The following KHDRBS2 variants were observed in gnomAD, a reference collection of about 807,000 sequenced individuals.
KHDRBS2 encodes the protein KH RNA binding domain containing, signal transduction associated 2, also known as KH domain-containing, RNA-binding, signal transduction-associated protein 2.
Under a neutral mutation model 44.3 loss-of-function variants are expected in KHDRBS2, and 26 were observed. The observed-to-expected ratio is 0.59, with a 90% CI of 0.43 to 0.81. The LOEUF is 0.81. KHDRBS2 is among the 40% of genes least tolerant of loss of function. KHDRBS2 has a pLI of 0.00. For synonymous variants in KHDRBS2, 194 were observed against 151.1 expected (o/e 1.28, Z -2.08); for missense variants, 476 against 433.1 (o/e 1.10, Z -0.88).
At chr6:61,700,399 A>T (rs12665725) in intron 7 of KHDRBS2, among the ~76,000 whole-genome samples, 26,913 of 149,004 alleles carry the variant, frequency 0.18, 2,571 homozygotes, top group Non-Finnish European at 0.2. Context: ...TAACTTTCAG[A>T]ACTCTAAACA....
At chr6:61,803,979 C>T (rs1786714479) in intron 6 of KHDRBS2, among the ~76,000 whole-genome samples, 1 of 151,968 alleles carries the variant, frequency 6.6e-6, no homozygotes, top group African/African-American at 2.4e-5. Context: ...CATTTGTGCC[C>T]CTTGCCCCTC....
the KHDRBS2 span, among the ~76,000 whole-genome samples, chr6:61,615,090 G>A: frequency 1.9e-4 from 28 of 151,344 alleles, no homozygotes; most frequent in East Asian, 3.3e-3. Context: ...AAAATTAGCC[G>A]GGTGTGGTGG....
At chr6:61,962,192 C>G (rs1383721397) in intron 4 of KHDRBS2, among the ~76,000 whole-genome samples, 2 of 152,014 alleles carry the variant, frequency 1.3e-5, no homozygotes, top group Non-Finnish European at 2.9e-5. Flanking sequence ...AATGGCAGTT[C>G]TATTGTGTTG....
chr6:62,278,821 G>T (rs1225920074), intron 1 of KHDRBS2, among the ~76,000 whole-genome samples: 1 of 152,098 alleles, frequency 6.6e-6, no homozygotes, highest in East Asian at 1.9e-4. Flanking sequence ...ACGGCCAGGC[G>T]TGGTGGCTCA....
At chr6:62,177,580 T>C (rs1821410113) in intron 1 of KHDRBS2, among the ~76,000 whole-genome samples, 1 of 151,426 alleles carries the variant, frequency 6.6e-6, no homozygotes, top group Admixed American at 6.6e-5. Context: ...ATGAATTTAA[T>C]TAATTTTTAA....
rs546729795 is a variant in KHDRBS2 at position 61,696,288 on chromosome 6, G to A, written c.952+907C>T. Among the ~76,000 whole-genome samples, 153 of 122,322 alleles carry A rather than the reference G, an allele frequency of 1.3e-3. 1 individual carries two copies. The highest frequency in any genetic ancestry group is 4.6e-4 in the Non-Finnish European group (25 of 54,434). 80.2% of individuals were successfully genotyped at this position (122,322 alleles called of 152,430 possible). ...TTATTTATTTTTGAGACTGAGTCTC[G>A]CTCTGTTGCCAGGCTGGAGTGCGGT... On this transcript the variant is annotated intron_variant, in intron 8 of 8. Coordinates refer to ENST00000281156, the MANE Select transcript of KHDRBS2 (RefSeq NM_152688.4).
chr6:62,070,370 G>A (rs542548124), intron 2 of KHDRBS2, among the ~76,000 whole-genome samples: 38 of 151,188 alleles, frequency 2.5e-4, no homozygotes, highest in Non-Finnish European at 5.3e-4. Flanking sequence ...TTAAGTTTTA[G>A]GATACATGTG....
At chr6:61,578,382 G>A in the KHDRBS2 span, among the ~76,000 whole-genome samples, 45 of 152,232 alleles carry the variant, frequency 3.0e-4, no homozygotes, top group African/African-American at 1.1e-3. Flanking sequence ...ACAATTATGT[G>A]TCATGATTGC....
intron 6 of KHDRBS2, among the ~76,000 whole-genome samples, chr6:61,825,973 G>T (rs942482555): frequency 5.3e-5 from 8 of 152,078 alleles, no homozygotes; most frequent in Non-Finnish European, 1.2e-4. Context: ...TGCTAGATTC[G>T]GATGCCAACA....
intron 7 of KHDRBS2, among the ~76,000 whole-genome samples, chr6:61,719,450 C>CTT (rs1473626299): frequency 6.7e-6 from 1 of 150,064 alleles, no homozygotes; most frequent in East Asian, 2.0e-4. Context: ...ATGTTAATGT[C>CTT]TTTGAGGAGT....
At chr6:61,740,763 A>C (rs1776021159) in intron 6 of KHDRBS2, among the ~76,000 whole-genome samples, 1 of 151,978 alleles carries the variant, frequency 6.6e-6, no homozygotes, top group Non-Finnish European at 1.5e-5. Flanking sequence ...TCCAAAAAGC[A>C]TTAAGTGTTT....
At chr6:62,000,773 G>A (rs550160725) in intron 3 of KHDRBS2, among the ~76,000 whole-genome samples, 15 of 152,112 alleles carry the variant, frequency 9.9e-5, no homozygotes, top group Non-Finnish European at 1.6e-4. Flanking sequence ...GAGTAGCTGT[G>A]CTGCATGACC....
intron 2 of KHDRBS2, among the ~76,000 whole-genome samples, chr6:62,072,456 A>T (rs1795364078): frequency 6.6e-6 from 1 of 152,190 alleles, no homozygotes; most frequent in Admixed American, 6.6e-5. Flanking sequence ...TTGCCCATTC[A>T]TTATGATATT....
intron 5 of KHDRBS2, among the ~76,000 whole-genome samples, chr6:61,896,853 T>G (rs72882420): frequency 6.6e-6 from 1 of 152,228 alleles, no homozygotes; most frequent in African/African-American, 2.4e-5. Context: ...ACAGTCTCCA[T>G]GCCACAGCAC....
chr6:62,090,417 G>T (rs1205656542), intron 2 of KHDRBS2, among the ~76,000 whole-genome samples: 2 of 152,110 alleles, frequency 1.3e-5, no homozygotes, highest in Non-Finnish European at 2.9e-5. Context: ...GCTTGGCATT[G>T]TAAGTGCATT....
Position 62,121,077 on chromosome 6 carries a change from G to A in KHDRBS2, c.219+56108C>T, listed in dbSNP as rs1211964747. ...GGTAATTAACGGAGTTTTAGCTCAG[G>A]TCCTACTTAGTGGGTCCAGTCGGTC... is the stretch of plus-strand genomic sequence containing the variant. On this transcript the variant is annotated intron_variant, in intron 2 of 8. Transcript: ENST00000281156. 5.3e-5 allele frequency among the ~76,000 whole-genome samples: 8 copies of A among 152,096 alleles called. No individual in the cohort carries two copies. In the East Asian group the frequency reaches 1.5e-3, roughly 29 times the overall value.
intron 3 of KHDRBS2, among the ~76,000 whole-genome samples, chr6:62,004,697 G>A (rs1778901663): frequency 1.3e-5 from 2 of 152,004 alleles, no homozygotes; most frequent in Admixed American, 6.6e-5. Context: ...GCCTGGCAGA[G>A]GCACAACAAC....
At chr6:62,048,712 C>T (rs919797884) in intron 2 of KHDRBS2, among the ~76,000 whole-genome samples, 2 of 151,784 alleles carry the variant, frequency 1.3e-5, no homozygotes, top group African/African-American at 2.4e-5. Context: ...CATCTTGAAA[C>T]ATAAATAAGA....
chr6:62,137,001 T>C (rs1429928763), intron 2 of KHDRBS2, among the ~76,000 whole-genome samples: 15 of 135,350 alleles, frequency 1.1e-4, no homozygotes, highest in Middle Eastern at 3.7e-3. Flanking sequence ...TTCTTTTTTT[T>C]TTTTTTTTTT....
Sources: gnomAD v4.1 joint callset for allele counts (sites outside exome capture counted in the v4.1 genomes callset) on GRCh38, gnomAD v4.1.1 for gene constraint, MANE v1.5 for transcripts, NCBI Gene and HGNC (gene_info 2026-07-23, HGNC 2026-07-21) for gene names.